Variants in PRKCA observed in about 807,000 individuals in gnomAD.
The protein encoded by PRKCA is protein kinase C alpha, also known as protein kinase C alpha type.
A neutral mutation model predicts 87.0 loss-of-function variants in PRKCA; 27 were observed. That is an observed-to-expected ratio of 0.31 (90% CI 0.23 to 0.43). The LOEUF is 0.43. Among genes scored for constraint, PRKCA ranks in the 20% least tolerant of loss-of-function variants. The probability of loss-of-function intolerance (pLI) is 1.00; values close to 1 mark genes in which losing one functional copy is unlikely to be tolerated. For missense variants in PRKCA, 518 were observed against 852.3 expected (o/e 0.61, Z 4.88); for synonymous variants, 329 against 311.1 (o/e 1.06, Z -0.61).
chr17:66,524,307 T>G lies in PRKCA; in HGVS notation c.288+28024T>G, dbSNP rs187461482. Among the ~76,000 whole-genome samples, 201 of 152,340 alleles carry G rather than the reference T, an allele frequency of 1.3e-3. 1 individual carries two copies. The highest frequency in any genetic ancestry group is 4.6e-3 in the African/African-American group (192 of 41,578). On this transcript the variant is annotated intron_variant, in intron 3 of 16. Coordinates refer to ENST00000413366, the MANE Select transcript of PRKCA (RefSeq NM_002737.3). ...GCTTGCGATTCAGATTCCTTTAAAGTTAGCAAAGAGCATTTTTGTTACATT... is the reference window on the plus strand; with the variant it reads ...GCTTGCGATTCAGATTCCTTTAAAGGTAGCAAAGAGCATTTTTGTTACATT...
At chr17:66,339,310 A>G (rs1906896546) in intron 2 of PRKCA, among the ~76,000 whole-genome samples, 1 of 152,196 alleles carries the variant, frequency 6.6e-6, no homozygotes, top group African/African-American at 2.4e-5. Context: ...GAAATAGTTA[A>G]TCTATCTTTC....
At chr17:66,794,041 C>T (rs971673502) in intron 16 of PRKCA, among the ~76,000 whole-genome samples, 1 of 152,150 alleles carries the variant, frequency 6.6e-6, no homozygotes, top group Admixed American at 6.5e-5. Flanking sequence ...TAGCCGTTGG[C>T]ACCAAGGAGC....
chr17:66,520,179 T>G (rs1358572831), intron 3 of PRKCA, among the ~76,000 whole-genome samples: 3 of 148,626 alleles, frequency 2.0e-5, no homozygotes, highest in African/African-American at 7.5e-5. Flanking sequence ...CAGGCTGGAG[T>G]GCAATAGTGT....
intron 3 of PRKCA, among the ~76,000 whole-genome samples, chr17:66,521,125 C>A (rs1193392182): frequency 1.3e-5 from 2 of 151,186 alleles, no homozygotes. Flanking sequence ...GGAAATTGCC[C>A]CCTTAAAAAA....
intron 5 of PRKCA, among the ~76,000 whole-genome samples, chr17:66,675,756 G>A (rs546491367): frequency 5.9e-5 from 9 of 152,198 alleles, no homozygotes; most frequent in South Asian, 2.1e-4. Context: ...CCTCTCCTGC[G>A]GCCACCGGAG....
intron 3 of PRKCA, among the ~76,000 whole-genome samples, chr17:66,540,539 C>T (rs533354573): frequency 1.3e-5 from 2 of 152,290 alleles, no homozygotes; most frequent in Admixed American, 6.5e-5. Context: ...GCGGGGGCTG[C>T]AGTTAGAAGC....
At chr17:66,454,233 C>A (rs1914475297) in intron 2 of PRKCA, among the ~76,000 whole-genome samples, 1 of 152,220 alleles carries the variant, frequency 6.6e-6, no homozygotes, top group South Asian at 2.1e-4. Flanking sequence ...GCCCTGTGGA[C>A]TCCCTGGTCA....
intron 2 of PRKCA, chr17:66,306,426 T>C (rs553191435): frequency 9.7e-6 from 3 of 308,860 alleles, no homozygotes; most frequent in African/African-American, 4.4e-5. Flanking sequence ...AAAAATGGAA[T>C]CACTTTGTAT....
chr17:66,343,047 A>G (rs1027615904), intron 2 of PRKCA, among the ~76,000 whole-genome samples: 7 of 152,142 alleles, frequency 4.6e-5, no homozygotes, highest in Non-Finnish European at 7.3e-5. Flanking sequence ...AAAAAGAAGC[A>G]TAATATGCCA....
intron 2 of PRKCA, among the ~76,000 whole-genome samples, chr17:66,483,381 C>T (rs1431055237): frequency 6.6e-6 from 1 of 152,106 alleles, no homozygotes; most frequent in Non-Finnish European, 1.5e-5. Context: ...GAAGCATCAC[C>T]CCAGTCTTTC....
chr17:66,460,776 A>G (rs1469178481), intron 2 of PRKCA, among the ~76,000 whole-genome samples: 5 of 152,220 alleles, frequency 3.3e-5, no homozygotes, highest in African/African-American at 1.2e-4. Flanking sequence ...CGGTAAGGCT[A>G]GCAAAGCGGG....
chr17:66,750,208 C>G (rs1427637321), intron 13 of PRKCA, among the ~76,000 whole-genome samples: 2 of 151,658 alleles, frequency 1.3e-5, no homozygotes, highest in East Asian at 3.9e-4. Context: ...CGCTTCTGAA[C>G]CATGGGCCCC....
At position 66,554,110 on chromosome 17, in the gene PRKCA, A is replaced by G. The variant is rs61762384; in HGVS notation, c.288+57827A>G. 3.9e-3 allele frequency among the ~76,000 whole-genome samples: 593 copies of G among 152,308 alleles called. 5 individuals carry two copies. The highest frequency in any genetic ancestry group is 0.014 in the African/African-American group (575 of 41,578). On this transcript the variant is annotated intron_variant, in intron 3 of 16. Transcript: ENST00000413366. ...ACCTGTGTTCAGAAGTGAGCCTGCC[A>G]GGGCAGAGTTAAGACTTTTTGCTGG... is the stretch of plus-strand genomic sequence containing the variant.
At position 66,808,666 on chromosome 17, in the gene PRKCA, T is replaced by C. The variant is rs2144462840; in HGVS notation, c.*4629T>C. 1 of 152,348 alleles carries C rather than the reference T, an allele frequency of 6.6e-6. No homozygotes were observed. Among genetic ancestry groups the C allele is most frequent in the South Asian group, 2.1e-4 (1 of 4,824 alleles). The allele number at this position is 152,348 out of a possible 1,614,324, so 9.4% of individuals were successfully genotyped here. On this transcript the variant is annotated 3_prime_UTR_variant, in exon 17 of 17. Transcript: ENST00000413366. ...AAGGACAAGGGTGCTCTGTTGTTAGTGGCCACACACCAATTTGACAAGGAG... is the reference window on the plus strand; with the variant it reads ...AAGGACAAGGGTGCTCTGTTGTTAGCGGCCACACACCAATTTGACAAGGAG...
chr17:66,647,117 G>GGGCCATGAGCCA (rs57139355), intron 5 of PRKCA, among the ~76,000 whole-genome samples: 3 of 151,700 alleles, frequency 2.0e-5, no homozygotes, highest in African/African-American at 4.8e-5. Context: ...TGTTCCTCGG[G>GGGCCATGAGCCA]GGCCATGAGA....
chr17:66,375,458 C>T (rs1016079393), intron 2 of PRKCA, among the ~76,000 whole-genome samples: 1 of 152,076 alleles, frequency 6.6e-6, no homozygotes, highest in Non-Finnish European at 1.5e-5. Flanking sequence ...GAAGTGGAGT[C>T]GATGGTGCTT....
intron 3 of PRKCA, among the ~76,000 whole-genome samples, chr17:66,531,247 C>T (rs759761733): frequency 4.5e-4 from 69 of 152,314 alleles, no homozygotes; most frequent in Non-Finnish European, 6.5e-4. Flanking sequence ...GGAGGAGCCG[C>T]GTTCACATAG....
intron 3 of PRKCA, among the ~76,000 whole-genome samples, chr17:66,548,784 C>T (rs1421732655): frequency 1.4e-5 from 2 of 148,100 alleles, no homozygotes; most frequent in Admixed American, 6.8e-5. Context: ...TCCCTCCTAG[C>T]GCCTACCGAA....
chr17:66,373,016 G>A (rs777823670), intron 2 of PRKCA, among the ~76,000 whole-genome samples: 15 of 151,988 alleles, frequency 9.9e-5, no homozygotes, highest in Non-Finnish European at 1.6e-4. Flanking sequence ...TCAAGATTGC[G>A]CCACTGCACT....
Sources: allele counts gnomAD v4.1 joint callset (sites outside exome capture counted in the v4.1 genomes callset), GRCh38; gene constraint gnomAD v4.1.1; transcripts MANE v1.5; gene names NCBI Gene and HGNC (gene_info 2026-07-23, HGNC 2026-07-21).